Variants in SLC31A1 observed in about 807,000 individuals in gnomAD.
SLC31A1 encodes high affinity copper uptake protein 1.
Under a neutral mutation model 17.2 loss-of-function variants are expected in SLC31A1, and 5 were observed. The ratio of observed to expected loss-of-function variants is 0.29; its 90% CI spans 0.15 to 0.61. The LOEUF is 0.61. SLC31A1 is among the 20% of genes least tolerant of loss of function. The pLI is 0.86. For synonymous variants in SLC31A1, 76 were observed against 78.8 expected (o/e 0.96, Z 0.19); for missense variants, 161 against 241.4 (o/e 0.67, Z 2.21).
chr9:113,249,521 C>G (rs1831622633), intron 1 of SLC31A1, among the ~76,000 whole-genome samples: 1 of 151,994 alleles, frequency 6.6e-6, no homozygotes, highest in Non-Finnish European at 1.5e-5. Flanking sequence ...CACGCACCAC[C>G]ATGCCCAGCT....
chr9:113,232,453 A>T (rs991479514), intron 1 of SLC31A1, among the ~76,000 whole-genome samples: 1 of 152,148 alleles, frequency 6.6e-6, no homozygotes, highest in African/African-American at 2.4e-5. Flanking sequence ...TGACCACCTG[A>T]TTCAACATAG....
At chr9:113,249,356 G>GT (rs555534321) in intron 1 of SLC31A1, among the ~76,000 whole-genome samples, 4,593 of 141,126 alleles carry the variant, frequency 0.033, 95 homozygotes, top group Middle Eastern at 0.052. Context: ...ATCTTTCTTT[G>GT]TTTTTTTTTT....
In SLC31A1 at chr9:113,246,984, C is replaced by T. The variant is rs116303577; in HGVS notation, c.-35-9130C>T. Among the ~76,000 whole-genome samples the T allele has an allele frequency of 5.5e-3, 843 of 152,292 alleles. 11 individuals carry two copies. Among genetic ancestry groups the T allele is most frequent in the African/African-American group, 0.019 (803 of 41,562 alleles). ...CCTATAGGGGCAATCAAAACAAAGC[C>T]AGAGCCATTTCTGAGAGTATCTACT... On this transcript the variant is annotated intron_variant, in intron 1 of 4. Transcript: ENST00000374212.
At chr9:113,227,182 G>A (rs1428759703) in intron 1 of SLC31A1, 1 of 152,050 alleles carries the variant, frequency 6.6e-6, no homozygotes, top group Non-Finnish European at 1.5e-5. Context: ...ACCTCTTTCA[G>A]TTCCTAGCCC....
At chr9:113,245,847 G>A (rs923751348) in intron 1 of SLC31A1, among the ~76,000 whole-genome samples, 3 of 151,628 alleles carry the variant, frequency 2.0e-5, no homozygotes, top group Non-Finnish European at 2.9e-5. Flanking sequence ...TTGCCCAGGC[G>A]GGTCTGAAAC....
At chr9:113,260,035 C>T (rs1011259327) in intron 4 of SLC31A1, among the ~76,000 whole-genome samples, 3 of 152,164 alleles carry the variant, frequency 2.0e-5, no homozygotes, top group African/African-American at 4.8e-5. Flanking sequence ...TCTCCTCCTC[C>T]GGAAAAGGGT....
At chr9:113,255,968 G>A (rs981966749) in intron 1 of SLC31A1, 146 bp from the exon 2 acceptor site, 8 of 563,374 alleles carry the variant, frequency 1.4e-5, no homozygotes, top group South Asian at 2.4e-5. Context: ...CAAAACTCCT[G>A]TACTGATCAG....
rs41280219 is a variant in SLC31A1, at chr9:113,221,620, G to C, written c.-94G>C. ...GAGGGGCCGTTCGAAGAGTCGTGAG[G>C]GGGTGACGGGTTAAGATTCGGAGAG... On this transcript the variant is annotated 5_prime_UTR_variant, in exon 1 of 5. Transcript: ENST00000374212. The C allele has an allele frequency of 1.1e-5, 4 of 378,342 alleles. No homozygotes were observed. The highest frequency in any genetic ancestry group is 2.1e-5 in the African/African-American group (1 of 48,070). The allele number at this position is 378,342 out of a possible 1,614,324, so 23.4% of individuals were successfully genotyped here. A position where few individuals can be genotyped will look rare whatever the true frequency, so the allele number is the denominator to read the frequency against.
intron 1 of SLC31A1, among the ~76,000 whole-genome samples, chr9:113,233,804 A>G (rs1831425235): frequency 6.6e-6 from 1 of 152,224 alleles, no homozygotes; most frequent in Admixed American, 6.5e-5. Context: ...ACTGATACAT[A>G]ATAATTGCAC....
chr9:113,255,644 C>G lies in SLC31A1; in HGVS notation c.-35-470C>G, dbSNP rs1490940423. 2.6e-5 allele frequency among the ~76,000 whole-genome samples: 4 copies of G among 152,212 alleles called. 1 individual carries two copies. The South Asian group carries it at 6.2e-4, about 24-fold the overall frequency. On this transcript the variant is annotated intron_variant, in intron 1 of 4. Coordinates refer to ENST00000374212, the MANE Select transcript of SLC31A1 (RefSeq NM_001859.4). Reference sequence around the variant, plus strand: ...GGTTGAGGCTGTGGTGAGTTGCACTCCAGCCTGGGTGATGGAGCAAGACCC... The same window carrying G: ...GGTTGAGGCTGTGGTGAGTTGCACTGCAGCCTGGGTGATGGAGCAAGACCC...
chr9:113,248,825 G>C (rs1831614092), intron 1 of SLC31A1, among the ~76,000 whole-genome samples: 1 of 152,108 alleles, frequency 6.6e-6, no homozygotes, highest in African/African-American at 2.4e-5. Context: ...GAAGCTAACA[G>C]ACAAGTCAAG....
intron 4 of SLC31A1, among the ~76,000 whole-genome samples, chr9:113,259,563 T>C (rs1265046350): frequency 6.7e-6 from 1 of 148,648 alleles, no homozygotes; most frequent in Non-Finnish European, 1.5e-5. Flanking sequence ...TCAATTCTAT[T>C]TTTTTTTCTT....
At chr9:113,243,756 C>A (rs1020444321) in intron 1 of SLC31A1, among the ~76,000 whole-genome samples, 5 of 152,128 alleles carry the variant, frequency 3.3e-5, no homozygotes, top group African/African-American at 4.8e-5. Context: ...TGTTTTTTAT[C>A]TTTCCATAAG....
At chr9:113,250,675 TAA>T (rs779452254) in intron 1 of SLC31A1, among the ~76,000 whole-genome samples, 1 of 120,022 alleles carries the variant, frequency 8.3e-6, no homozygotes, top group African/African-American at 3.1e-5. Context: ...ACTTAAAGTA[TAA>T]AAAAAAAAAA....
chr9:113,255,779 C>T (rs780401437), intron 1 of SLC31A1: 10 of 171,396 alleles, frequency 5.8e-5, no homozygotes, highest in South Asian at 2.6e-4. Context: ...CCTATTAGCA[C>T]GAGTTCTTTC....
intron 1 of SLC31A1, among the ~76,000 whole-genome samples, chr9:113,249,960 A>C (rs1226926020): frequency 3.9e-5 from 6 of 152,264 alleles, no homozygotes; most frequent in African/African-American, 1.4e-4. Flanking sequence ...GAGAAATGCA[A>C]ATCAAAACCA....
rs762100748 is a variant in SLC31A1 at position 113,261,519 on chromosome 9, A to G, written c.*1046A>G. On this transcript the variant is annotated 3_prime_UTR_variant, in exon 5 of 5. Transcript: ENST00000374212. ...AATCAATTTGAGAAAATAGAAATAG[A>G]TATTTTTAAATAAAACCATTCACAG... The G allele has an allele frequency of 5.9e-5, 9 of 152,788 alleles. No homozygotes were observed. The South Asian group carries it at 6.2e-4, about 11-fold the overall frequency. 9.5% of individuals were successfully genotyped at this position (152,788 alleles called of 1,614,324 possible).
intron 1 of SLC31A1, among the ~76,000 whole-genome samples, chr9:113,255,356 A>G (rs1198956741): frequency 6.6e-6 from 1 of 152,180 alleles, no homozygotes; most frequent in Non-Finnish European, 1.5e-5. Flanking sequence ...CTGCAACCCA[A>G]AGAAGCTGCT....
At chr9:113,256,499 T>G in intron 2 of SLC31A1, 2 of 452,674 alleles carry the variant, frequency 4.4e-6, no homozygotes, top group Admixed American at 3.6e-5. Context: ...TCTTTGGTGG[T>G]CCCTTCTGAA....
Sources: allele counts gnomAD v4.1 joint callset (sites outside exome capture counted in the v4.1 genomes callset), GRCh38; gene constraint gnomAD v4.1.1; transcripts MANE v1.5; gene names NCBI Gene and HGNC (gene_info 2026-07-23, HGNC 2026-07-21).